UVRAG: variants seen among roughly 807,000 people sequenced by gnomAD.
UVRAG encodes the protein UV radiation resistance-associated gene protein.
UVRAG carries 19 observed loss-of-function variants against 78.0 expected under a neutral mutation model. The ratio of observed to expected loss-of-function variants is 0.24; its 90% CI spans 0.17 to 0.36. The LOEUF (loss-of-function observed/expected upper bound fraction) is 0.36. Among genes scored for constraint, UVRAG ranks in the 10% least tolerant of loss-of-function variants. The pLI, the probability that UVRAG is intolerant of heterozygous loss-of-function variation, is 1.00. For synonymous variants in UVRAG, 323 were observed against 324.6 expected (o/e 1.00, Z 0.05); for missense variants, 740 against 853.8 (o/e 0.87, Z 1.66).
intron 13 of UVRAG, among the ~76,000 whole-genome samples, chr11:76,078,263 G>A (rs1263412710): frequency 6.6e-6 from 1 of 152,028 alleles, no homozygotes; most frequent in Non-Finnish European, 1.5e-5. Context: ...AGATTTTAGG[G>A]GAAGGTAGCA....
intron 6 of UVRAG, among the ~76,000 whole-genome samples, chr11:75,950,071 T>C (rs1328898882): frequency 1.3e-5 from 2 of 152,232 alleles, no homozygotes; most frequent in Non-Finnish European, 2.9e-5. Context: ...CATGTTCTTG[T>C]ATAGATTAGC....
At chr11:75,905,885 C>CTT (rs879808805) in intron 5 of UVRAG, among the ~76,000 whole-genome samples, 1 of 146,066 alleles carries the variant, frequency 6.8e-6, no homozygotes, top group Non-Finnish European at 1.5e-5. Context: ...AACTGCTAAA[C>CTT]TTTTTTTTTT....
At chr11:75,878,899 CAGGGAG>C (rs1435716903) in intron 3 of UVRAG, among the ~76,000 whole-genome samples, 27 of 91,716 alleles carry the variant, frequency 2.9e-4, no homozygotes, top group East Asian at 5.5e-4. Context: ...GGGACAGGGA[CAGGGAG>C]GGGGAGGGGG....
At chr11:75,857,494 C>T (rs565054305) in intron 2 of UVRAG, among the ~76,000 whole-genome samples, 11 of 151,388 alleles carry the variant, frequency 7.3e-5, no homozygotes, top group African/African-American at 2.4e-4. Context: ...TTTTTCCCCC[C>T]CCCTTTTTTT....
chr11:76,095,514 T>C (rs1171069256), intron 13 of UVRAG, among the ~76,000 whole-genome samples: 1 of 150,600 alleles, frequency 6.6e-6, no homozygotes, highest in Non-Finnish European at 1.5e-5. Context: ...TCATATATCA[T>C]ATATTCATAT....
intron 10 of UVRAG, among the ~76,000 whole-genome samples, chr11:76,008,307 C>G (rs1016816317): frequency 2.0e-5 from 3 of 152,012 alleles, no homozygotes; most frequent in Admixed American, 1.3e-4. Context: ...TAAGATATTC[C>G]TGGGGTAACT....
At chr11:75,849,083 C>T (rs1239001768) in intron 1 of UVRAG, among the ~76,000 whole-genome samples, 2 of 152,094 alleles carry the variant, frequency 1.3e-5, no homozygotes, top group Non-Finnish European at 2.9e-5. Context: ...GAGCGTGAGA[C>T]AGGAGAATCA....
intron 4 of UVRAG, among the ~76,000 whole-genome samples, chr11:75,885,343 AT>A (rs1295426468): frequency 6.6e-6 from 1 of 152,070 alleles, no homozygotes; most frequent in African/African-American, 2.4e-5. Flanking sequence ...CTTTGTATTA[AT>A]AACAACAACA....
chr11:75,995,106 T>A (rs1044350706), intron 8 of UVRAG, among the ~76,000 whole-genome samples: 1 of 152,174 alleles, frequency 6.6e-6, no homozygotes, highest in African/African-American at 2.4e-5. Context: ...TTCACCTTTT[T>A]TAATGCCTCT....
At chr11:76,013,907 G>C (rs1460793087) in intron 11 of UVRAG, among the ~76,000 whole-genome samples, 1 of 152,232 alleles carries the variant, frequency 6.6e-6, no homozygotes, top group Admixed American at 6.5e-5. Context: ...TTAACACTGA[G>C]TCTGTGATGG....
chr11:75,981,066 G>C (rs180671209), intron 7 of UVRAG, among the ~76,000 whole-genome samples: 3 of 152,008 alleles, frequency 2.0e-5, no homozygotes, highest in African/African-American at 4.8e-5. Flanking sequence ...GATTTAACTG[G>C]CTTCTTGAAT....
chr11:76,099,292 T>C (rs1951838164), intron 13 of UVRAG, among the ~76,000 whole-genome samples: 1 of 152,212 alleles, frequency 6.6e-6, no homozygotes, highest in Non-Finnish European at 1.5e-5. Flanking sequence ...GTAGGTCTTG[T>C]GTAGGGATCA....
chr11:75,892,377 G>C, intron 5 of UVRAG: 3 of 985,430 alleles, frequency 3.0e-6, no homozygotes, highest in Non-Finnish European at 3.6e-6. Flanking sequence ...TCCTGTGTGG[G>C]AACATGGGAA....
chr11:76,057,667 A>G (rs1227516475), intron 12 of UVRAG, among the ~76,000 whole-genome samples: 1 of 151,992 alleles, frequency 6.6e-6, no homozygotes, highest in Non-Finnish European at 1.5e-5. Context: ...TACCATCAAC[A>G]GTTAAAACTT....
In UVRAG at chr11:75,851,930, T is replaced by C; in HGVS notation, c.165T>C (p.Asn55=). The change falls in exon 2 of 15, where the codon AAT becomes AAC. Residue 55 remains asparagine, a synonymous_variant. Transcript: ENST00000356136. ...ACATTGCTGCCCGGAACATTGTTAA[T>C]AGAAATGGCCATCAGCTCCTTGATA... is the stretch of plus-strand genomic sequence containing the variant. ...LRNIAARNIV[N]RNGHQLLDTY... 6.2e-7 allele frequency: 1 copy of C among 1,614,108 alleles called. No homozygotes were observed. Among genetic ancestry groups the C allele is most frequent in the South Asian group, 1.1e-5 (1 of 91,056 alleles).
intron 5 of UVRAG, among the ~76,000 whole-genome samples, chr11:75,903,769 A>T (rs1947559776): frequency 6.6e-6 from 1 of 152,228 alleles, no homozygotes; most frequent in Non-Finnish European, 1.5e-5. Flanking sequence ...GGACAGTAGT[A>T]ATAATTGCCT....
At chr11:75,834,220 T>A (rs1162637362) in intron 1 of UVRAG, among the ~76,000 whole-genome samples, 1 of 152,152 alleles carries the variant, frequency 6.6e-6, no homozygotes, top group African/African-American at 2.4e-5. Context: ...GTCTTATTTT[T>A]AAATGTCACT....
intron 13 of UVRAG, among the ~76,000 whole-genome samples, chr11:76,074,004 C>T (rs986303966): frequency 2.0e-5 from 3 of 152,154 alleles, no homozygotes; most frequent in Non-Finnish European, 4.4e-5. Flanking sequence ...AACAATGTCA[C>T]TCATCTCACT....
At chr11:76,027,932 G>A (rs1950359362) in intron 12 of UVRAG, among the ~76,000 whole-genome samples, 1 of 152,060 alleles carries the variant, frequency 6.6e-6, no homozygotes, top group Admixed American at 6.6e-5. Flanking sequence ...CTGAAGGCTT[G>A]TCTGTTTACA....
Sources: gnomAD v4.1 joint callset for allele counts (sites outside exome capture counted in the v4.1 genomes callset) on GRCh38, gnomAD v4.1.1 for gene constraint, MANE v1.5 for transcripts, NCBI Gene and HGNC (gene_info 2026-07-23, HGNC 2026-07-21) for gene names.